ZFAT: variants seen among roughly 807,000 people sequenced by gnomAD.
ZFAT encodes zinc finger and AT-hook domain containing.
Under a neutral mutation model 117.7 loss-of-function variants are expected in ZFAT, and 64 were observed. The observed-to-expected ratio is 0.54, with a 90% CI of 0.44 to 0.67. ZFAT has a LOEUF of 0.67. ZFAT is among the 30% of genes least tolerant of loss of function. The probability of loss-of-function intolerance (pLI) is 0.00; values close to 1 mark genes in which losing one functional copy is unlikely to be tolerated. For synonymous variants in ZFAT, 679 were observed against 615.0 expected (o/e 1.10, Z -1.54); for missense variants, 1,433 against 1,584.5 (o/e 0.90, Z 1.62).
intron 2 of ZFAT, among the ~76,000 whole-genome samples, chr8:134,638,657 G>A (rs766850981): frequency 1.3e-5 from 2 of 151,714 alleles, no homozygotes; most frequent in African/African-American, 2.4e-5. Flanking sequence ...TGAACTGGGA[G>A]GCAGAGCTTG....
At chr8:134,776,773 C>T in the ZFAT span, among the ~76,000 whole-genome samples, 3 of 152,180 alleles carry the variant, frequency 2.0e-5, no homozygotes, top group African/African-American at 4.8e-5. Context: ...GAATGAATAA[C>T]GGTGCTTAAC....
At chr8:134,555,068 A>G (rs1203112983) in intron 11 of ZFAT, among the ~76,000 whole-genome samples, 4 of 152,248 alleles carry the variant, frequency 2.6e-5, no homozygotes, top group African/African-American at 9.6e-5. Flanking sequence ...TTATAGTAAA[A>G]GAATACAAAG....
intron 11 of ZFAT, among the ~76,000 whole-genome samples, chr8:134,549,313 C>A (rs1191801373): frequency 1.3e-5 from 2 of 152,026 alleles, no homozygotes; most frequent in Admixed American, 1.3e-4. Context: ...TGGGGGCAGG[C>A]ACCTGTACTC....
chr8:134,635,837 A>G (rs16905205), intron 3 of ZFAT, among the ~76,000 whole-genome samples: 5,147 of 152,246 alleles, frequency 0.034, 281 homozygotes, highest in African/African-American at 0.12. Flanking sequence ...ATTTCCCAAA[A>G]GGACTTTAGG....
chr8:134,483,537 A>G (rs1417022222), intron 15 of ZFAT, among the ~76,000 whole-genome samples: 2 of 152,196 alleles, frequency 1.3e-5, no homozygotes, highest in African/African-American at 4.8e-5. Context: ...CGCTTAATCT[A>G]TTAGCACAGG....
At chr8:134,695,198 C>G (rs1240396679) in intron 1 of ZFAT, among the ~76,000 whole-genome samples, 1 of 152,160 alleles carries the variant, frequency 6.6e-6, no homozygotes, top group Non-Finnish European at 1.5e-5. Flanking sequence ...TCCACATCCT[C>G]CCCGGGAGGC....
intron 10 of ZFAT, among the ~76,000 whole-genome samples, chr8:134,571,050 G>C (rs1824855872): frequency 6.6e-6 from 1 of 152,228 alleles, no homozygotes; most frequent in South Asian, 2.1e-4. Context: ...CACTCAGCGA[G>C]CATTCACGGA....
intron 11 of ZFAT, among the ~76,000 whole-genome samples, chr8:134,543,003 G>A (rs760428891): frequency 1.1e-4 from 15 of 141,822 alleles, no homozygotes; most frequent in African/African-American, 1.6e-4. Flanking sequence ...CACACCTCTC[G>A]TGACAGTGAG....
At position 134,658,337 on chromosome 8, in the gene ZFAT, C is replaced by CA. The variant is rs34770848; in HGVS notation, c.20-601dup. 8.1e-4 allele frequency among the ~76,000 whole-genome samples: 96 copies of CA among 117,958 alleles called. 1 individual carries two copies. The highest frequency in any genetic ancestry group is 1.0e-3 in the Non-Finnish European group (61 of 59,018). 77.4% of individuals were successfully genotyped at this position (117,958 alleles called of 152,430 possible). On this transcript the variant is annotated intron_variant, in intron 1 of 15. Transcript: ENST00000377838. ...GGGCGACAGAGCGAGATTCTGTCTC[C>CA]AAAAAAAAAAAAATTTGCAACTTAA...
intron 1 of ZFAT, among the ~76,000 whole-genome samples, chr8:134,668,501 G>A (rs1351243032): frequency 3.3e-5 from 5 of 152,262 alleles, no homozygotes; most frequent in African/African-American, 1.2e-4. Context: ...AGGGTCTGGA[G>A]TGGACCTCCA....
chr8:134,648,306 G>T (rs1230030207), intron 2 of ZFAT, among the ~76,000 whole-genome samples: 1 of 150,778 alleles, frequency 6.6e-6, no homozygotes, highest in Non-Finnish European at 1.5e-5. Flanking sequence ...CAGAAGGACA[G>T]AAATAATAAT....
intron 3 of ZFAT, among the ~76,000 whole-genome samples, chr8:134,635,902 C>A (rs1830183400): frequency 6.6e-6 from 1 of 152,222 alleles, no homozygotes; most frequent in African/African-American, 2.4e-5. Context: ...GCCTACAGCT[C>A]TCACACGGCA....
the ZFAT span, among the ~76,000 whole-genome samples, chr8:134,820,506 C>T: frequency 7.4e-3 from 1,123 of 152,320 alleles, 12 homozygotes; most frequent in African/African-American, 0.026. Flanking sequence ...ATCATGGTGC[C>T]TTACAGCACA....
At chr8:134,557,984 T>A (rs1032190134) in intron 11 of ZFAT, among the ~76,000 whole-genome samples, 1 of 152,240 alleles carries the variant, frequency 6.6e-6, no homozygotes, top group African/African-American at 2.4e-5. Flanking sequence ...TCTAGCAGAT[T>A]ATGGGCTGTG....
the ZFAT span, chr8:134,783,898 G>A: frequency 6.6e-6 from 1 of 152,208 alleles, no homozygotes; most frequent in East Asian, 1.9e-4. Flanking sequence ...CTGAGACTTG[G>A]TGTCCAAGGT....
At chr8:134,798,133 T>C in the ZFAT span, 3 of 152,120 alleles carry the variant, frequency 2.0e-5, no homozygotes, top group East Asian at 3.9e-4. Context: ...CATTTTCCTA[T>C]TGGAAATCGA....
chr8:134,778,497 A>G, the ZFAT span, among the ~76,000 whole-genome samples: 1 of 152,170 alleles, frequency 6.6e-6, no homozygotes, highest in Non-Finnish European at 1.5e-5. Flanking sequence ...TCCTTCATCC[A>G]TCCATCTGCT....
chr8:134,774,872 T>G, the ZFAT span, among the ~76,000 whole-genome samples: 1 of 151,642 alleles, frequency 6.6e-6, no homozygotes, highest in Non-Finnish European at 1.5e-5. Flanking sequence ...ATCCCAGCAC[T>G]TTGGGAAGCC....
chr8:134,600,623 G>T lies in ZFAT; in HGVS notation c.2288C>A (p.Thr763Asn), dbSNP rs78880232. Residue 763 changes from threonine (T) to asparagine (N), a missense_variant, in exon 7 of 16, where the codon ACC becomes AAC. By Grantham distance (65) the Thr-to-Asn change is moderately conservative. Coordinates refer to ENST00000377838, the MANE Select transcript of ZFAT (RefSeq NM_020863.4). Reference protein sequence around the residue: ...YQVHFDMHVRTHTREHLYYCS... With the variant: ...YQVHFDMHVRNHTREHLYYCS... ...ATAATACAGATGTTCCCGGGTGTGG[G>T]TGCGGACATGCATATCAAAATGCAC... 11 of 1,611,826 alleles carry T rather than the reference G, an allele frequency of 6.8e-6. No homozygotes were observed. The highest frequency in any genetic ancestry group is 9.3e-6 in the Non-Finnish European group (11 of 1,178,426).
Sources: allele counts gnomAD v4.1 joint callset (sites outside exome capture counted in the v4.1 genomes callset), GRCh38; gene constraint gnomAD v4.1.1; transcripts MANE v1.5; gene names NCBI Gene and HGNC (gene_info 2026-07-23, HGNC 2026-07-21).